The following EXOC4 variants were observed in gnomAD, a reference collection of about 807,000 sequenced individuals.
EXOC4 encodes exocyst complex component 4.
Under a neutral mutation model 107.2 loss-of-function variants are expected in EXOC4, and 71 were observed. The ratio of observed to expected loss-of-function variants is 0.66; its 90% CI spans 0.55 to 0.81. The LOEUF is 0.81. Among genes scored for constraint, EXOC4 ranks in the 30% least tolerant of loss-of-function variants. The probability of loss-of-function intolerance (pLI) is 0.00; values close to 1 mark genes in which losing one functional copy is unlikely to be tolerated. For missense variants in EXOC4, 1,108 were observed against 1,189.6 expected, an observed-to-expected ratio of 0.93 and a Z score of 1.01; for synonymous variants, 456 against 441.2, an observed-to-expected ratio of 1.03 and a Z score of -0.42.
chr7:133,476,455 C>T (rs1368135395), intron 8 of EXOC4, among the ~76,000 whole-genome samples: 1 of 152,166 alleles, frequency 6.6e-6, no homozygotes, highest in Non-Finnish European at 1.5e-5. Flanking sequence ...GTGACCACCA[C>T]TGAAGTATCC....
At chr7:133,595,687 G>C (rs1801651369) in intron 9 of EXOC4, among the ~76,000 whole-genome samples, 1 of 152,178 alleles carries the variant, frequency 6.6e-6, no homozygotes, top group Non-Finnish European at 1.5e-5. Context: ...TTAGAAATCA[G>C]TGCAAGGTCA....
At chr7:134,054,556 G>A (rs1166145948) in intron 17 of EXOC4, among the ~76,000 whole-genome samples, 2 of 152,164 alleles carry the variant, frequency 1.3e-5, no homozygotes, top group Non-Finnish European at 2.9e-5. Flanking sequence ...ATCTTCCTGT[G>A]CATTAATGAA....
chr7:133,675,343 AAT>A (rs1794032449), intron 10 of EXOC4, among the ~76,000 whole-genome samples: 1 of 152,292 alleles, frequency 6.6e-6, no homozygotes, highest in East Asian at 1.9e-4. Context: ...AGAAAGAGTC[AAT>A]ATATGAGTGT....
chr7:133,274,767 G>A (rs551685806), intron 1 of EXOC4, among the ~76,000 whole-genome samples: 1 of 152,252 alleles, frequency 6.6e-6, no homozygotes, highest in South Asian at 2.1e-4. Context: ...GAAGAGAAGG[G>A]CCCCTTGGAT....
At chr7:133,861,299 A>G (rs1052357528) in intron 11 of EXOC4, among the ~76,000 whole-genome samples, 2 of 152,194 alleles carry the variant, frequency 1.3e-5, no homozygotes, top group South Asian at 2.1e-4. Context: ...AAAACTACCT[A>G]TTAGGTACTA....
intron 9 of EXOC4, among the ~76,000 whole-genome samples, chr7:133,534,992 C>G (rs982213016): frequency 2.2e-4 from 34 of 152,148 alleles, no homozygotes; most frequent in Admixed American, 6.6e-4. Flanking sequence ...AGGCAGAATA[C>G]TTAAAAGGGC....
chr7:133,898,200 G>T (rs7793732), intron 12 of EXOC4, among the ~76,000 whole-genome samples: 93,931 of 151,892 alleles, frequency 0.62, 31,595 homozygotes, highest in African/African-American at 0.89. Flanking sequence ...ATTTATATCT[G>T]TTGCATCTAT....
intron 10 of EXOC4, among the ~76,000 whole-genome samples, chr7:133,786,587 T>A (rs1264195918): frequency 6.6e-6 from 1 of 152,228 alleles, no homozygotes; most frequent in Non-Finnish European, 1.5e-5. Flanking sequence ...TCTCAAAGCA[T>A]GTTCAGTACC....
At chr7:133,876,650 C>T (rs970532694) in intron 11 of EXOC4, among the ~76,000 whole-genome samples, 28 of 152,086 alleles carry the variant, frequency 1.8e-4, no homozygotes, top group Admixed American at 1.0e-3. Context: ...TTACTGTGAA[C>T]TCTTACTTCT....
At chr7:133,827,698 G>C (rs932517181) in intron 11 of EXOC4, among the ~76,000 whole-genome samples, 1 of 152,174 alleles carries the variant, frequency 6.6e-6, no homozygotes, top group African/African-American at 2.4e-5. Context: ...ATTTGGAACA[G>C]ATTTTAGTTT....
At chr7:133,789,651 A>G (rs542512830) in intron 10 of EXOC4, among the ~76,000 whole-genome samples, 469 of 152,274 alleles carry the variant, frequency 3.1e-3, no homozygotes, top group Non-Finnish European at 5.2e-3. Flanking sequence ...ATTTGGTTAT[A>G]AGGTTGTGTT....
At chr7:133,675,845 G>T (rs917715415) in intron 10 of EXOC4, among the ~76,000 whole-genome samples, 1 of 152,112 alleles carries the variant, frequency 6.6e-6, no homozygotes, top group Non-Finnish European at 1.5e-5. Context: ...AAATTGAGAT[G>T]AAATATGCCA....
At chr7:133,886,978 G>A (rs1799099258) in intron 11 of EXOC4, among the ~76,000 whole-genome samples, 1 of 152,162 alleles carries the variant, frequency 6.6e-6, no homozygotes, top group Admixed American at 6.5e-5. Flanking sequence ...GTGCTACCAT[G>A]ACAAGGTAAA....
chr7:133,358,849 T>TA lies in EXOC4; in HGVS notation c.1007+2278dup, dbSNP rs1224541391. On this transcript the variant is annotated intron_variant, in intron 6 of 17. Coordinates refer to ENST00000253861, the MANE Select transcript of EXOC4 (RefSeq NM_021807.4). ...AGTGGAAATTATAGCACTAGAAGTA[T>TA]AATAGAAATTCAGCACACTGCCCTG... Among the ~76,000 whole-genome samples, 3 of 152,164 alleles carry TA rather than the reference T, an allele frequency of 2.0e-5. No homozygotes were observed. In the East Asian group the frequency reaches 5.8e-4, roughly 29 times the overall value.
chr7:133,329,296 G>A (rs1030330434), intron 5 of EXOC4, among the ~76,000 whole-genome samples: 11 of 152,114 alleles, frequency 7.2e-5, no homozygotes, highest in African/African-American at 2.2e-4. Flanking sequence ...TCTCTATACT[G>A]GTTCTTCTAG....
chr7:133,748,744 G>A (rs1177955445), intron 10 of EXOC4, among the ~76,000 whole-genome samples: 2 of 152,148 alleles, frequency 1.3e-5, no homozygotes, highest in African/African-American at 4.8e-5. Flanking sequence ...GAGAGATTCA[G>A]TGCCTAAGAT....
At chr7:133,301,203 C>A (rs1794634004) in intron 3 of EXOC4, among the ~76,000 whole-genome samples, 1 of 152,160 alleles carries the variant, frequency 6.6e-6, no homozygotes, top group South Asian at 2.1e-4. Context: ...TCCAGCAGTG[C>A]AGGGGCAGGC....
chr7:133,715,678 C>T (rs550941295), intron 10 of EXOC4, among the ~76,000 whole-genome samples: 1 of 152,112 alleles, frequency 6.6e-6, no homozygotes, highest in Non-Finnish European at 1.5e-5. Flanking sequence ...CAAAGCTGAC[C>T]ACTTTCTACC....
Position 133,394,915 on chromosome 7 carries a change from GA to G in EXOC4, c.1182+19922del, listed in dbSNP as rs916372165. 1.3e-3 allele frequency among the ~76,000 whole-genome samples: 193 copies of G among 144,264 alleles called. 1 individual carries two copies. Among genetic ancestry groups the G allele is most frequent in the African/African-American group, 4.8e-3 (189 of 39,330 alleles). 94.6% of individuals were successfully genotyped at this position (144,264 alleles called of 152,430 possible). ...ATTAAAAAGGGGAAAATGTAAAAAAGAAAAAAAAAGGGAAAAAAGAAACTAT... is the reference window on the plus strand; with the variant it reads ...ATTAAAAAGGGGAAAATGTAAAAAAGAAAAAAAAGGGAAAAAAGAAACTAT... On this transcript the variant is annotated intron_variant, in intron 7 of 17. Transcript: ENST00000253861.
Sources: allele counts gnomAD v4.1 joint callset (sites outside exome capture counted in the v4.1 genomes callset), GRCh38; gene constraint gnomAD v4.1.1; transcripts MANE v1.5; gene names NCBI Gene and HGNC (gene_info 2026-07-23, HGNC 2026-07-21).